Variants in RBFOX1 observed in about 807,000 individuals in gnomAD.
The protein encoded by RBFOX1 is RNA binding fox-1 homolog 1, also known as RNA binding protein fox-1 homolog 1.
In RBFOX1, 8 loss-of-function variants were observed where a neutral mutation model predicts 57.7. That is an observed-to-expected ratio of 0.14 (90% CI 0.08 to 0.25). RBFOX1 has a LOEUF of 0.25. Ranked by LOEUF, RBFOX1 falls within the 10% of genes least tolerant of loss-of-function variation. The pLI is 1.00. For missense variants in RBFOX1, 611 were observed against 548.5 expected, an observed-to-expected ratio of 1.11 and a Z score of -1.14; for synonymous variants, 326 against 222.4, an observed-to-expected ratio of 1.47 and a Z score of -4.15.
At chr16:7,049,847 T>C (rs767582859) in intron 3 of RBFOX1, among the ~76,000 whole-genome samples, 42 of 152,232 alleles carry the variant, frequency 2.8e-4, no homozygotes, top group Admixed American at 1.7e-3. Context: ...TTCATTTATT[T>C]TGTGTTAAAA....
chr16:6,298,388 A>G (rs35282939), intron 1 of RBFOX1, among the ~76,000 whole-genome samples: 35,052 of 152,204 alleles, frequency 0.23, 5,351 homozygotes, highest in East Asian at 0.63. Flanking sequence ...CTCCCCAAGT[A>G]TATCCCATTG....
At chr16:7,391,766 G>A (rs1169043301) in intron 4 of RBFOX1, among the ~76,000 whole-genome samples, 1 of 152,154 alleles carries the variant, frequency 6.6e-6, no homozygotes, top group East Asian at 1.9e-4. Flanking sequence ...TATACAGTAG[G>A]CTTTTAACAG....
At chr16:7,422,750 C>A (rs2098554580) in intron 4 of RBFOX1, 1 of 152,134 alleles carries the variant, frequency 6.6e-6, no homozygotes, top group East Asian at 1.9e-4. Context: ...ATGTGTAGCG[C>A]CGAGTTTCTC....
At chr16:5,969,333 AT>A (rs1225542256) in intron 4 of RBFOX1, among the ~76,000 whole-genome samples, 3 of 115,912 alleles carry the variant, frequency 2.6e-5, no homozygotes, top group Admixed American at 1.0e-4. Context: ...TGGTTTGGAA[AT>A]GGAGTCTCTC....
At chr16:6,268,275 C>T (rs1474152336) in intron 1 of RBFOX1, among the ~76,000 whole-genome samples, 1 of 152,192 alleles carries the variant, frequency 6.6e-6, no homozygotes, top group Non-Finnish European at 1.5e-5. Flanking sequence ...ACTCATTTCC[C>T]TGCTAGCAGG....
At chr16:7,693,889 C>G (rs1215544737) in intron 14 of RBFOX1, among the ~76,000 whole-genome samples, 2 of 152,152 alleles carry the variant, frequency 1.3e-5, no homozygotes, top group Non-Finnish European at 2.9e-5. Context: ...GCCAAAGATC[C>G]TCTATTTCCT....
chr16:5,721,468 G>C (rs979998472), intron 3 of RBFOX1, among the ~76,000 whole-genome samples: 3 of 151,904 alleles, frequency 2.0e-5, no homozygotes, highest in African/African-American at 7.3e-5. Context: ...TCTTGTTCTT[G>C]CCCAATTGCC....
intron 1 of RBFOX1, among the ~76,000 whole-genome samples, chr16:6,255,863 G>C (rs1321927316): frequency 6.6e-6 from 1 of 151,722 alleles, no homozygotes; most frequent in African/African-American, 2.4e-5. Flanking sequence ...GATACAGGGA[G>C]GAGAACGTCA....
intron 4 of RBFOX1, among the ~76,000 whole-genome samples, chr16:7,314,892 G>C (rs1363375324): frequency 6.6e-6 from 1 of 152,136 alleles, no homozygotes; most frequent in Non-Finnish European, 1.5e-5. Flanking sequence ...GCTTCGTTTT[G>C]AATGTTATCG....
At chr16:6,244,978 G>A (rs1469899807) in intron 1 of RBFOX1, among the ~76,000 whole-genome samples, 8 of 151,946 alleles carry the variant, frequency 5.3e-5, no homozygotes, top group Admixed American at 4.6e-4. Flanking sequence ...GGAGTCCTTA[G>A]TACCTCTGAC....
At chr16:6,010,170 G>A (rs1351168952) in intron 4 of RBFOX1, among the ~76,000 whole-genome samples, 1 of 152,074 alleles carries the variant, frequency 6.6e-6, no homozygotes, top group African/African-American at 2.4e-5. Flanking sequence ...ATGCATGCAG[G>A]CTGGACTTCC....
chr16:7,005,487 C>T (rs542503650), intron 3 of RBFOX1, among the ~76,000 whole-genome samples: 9 of 152,070 alleles, frequency 5.9e-5, no homozygotes, highest in Non-Finnish European at 1.3e-4. Flanking sequence ...GAGAAGGAAC[C>T]CAGTAATGGC....
intron 2 of RBFOX1, among the ~76,000 whole-genome samples, chr16:6,640,370 A>C (rs1472334065): frequency 6.6e-6 from 1 of 152,078 alleles, no homozygotes; most frequent in East Asian, 1.9e-4. Flanking sequence ...GAACTTGGGG[A>C]GGCCGAGGTG....
intron 3 of RBFOX1, among the ~76,000 whole-genome samples, chr16:6,843,124 T>C (rs1355861490): frequency 2.0e-5 from 3 of 152,202 alleles, no homozygotes; most frequent in Non-Finnish European, 2.9e-5. Context: ...CTTATTGTTG[T>C]TGTTTTCAAA....
At chr16:6,733,566 G>T (rs543301709) in intron 3 of RBFOX1, among the ~76,000 whole-genome samples, 2 of 152,120 alleles carry the variant, frequency 1.3e-5, no homozygotes, top group African/African-American at 4.8e-5. Flanking sequence ...ATAAATAATG[G>T]TTGTAGCCTG....
chr16:5,953,440 C>A (rs984617643), intron 4 of RBFOX1, among the ~76,000 whole-genome samples: 12 of 152,062 alleles, frequency 7.9e-5, no homozygotes, highest in Non-Finnish European at 1.6e-4. Flanking sequence ...ACATCTATCA[C>A]CTGAGCACTG....
chr16:6,458,114 A>G (rs764112815), intron 2 of RBFOX1, among the ~76,000 whole-genome samples: 3 of 152,206 alleles, frequency 2.0e-5, no homozygotes, highest in Admixed American at 6.5e-5. Flanking sequence ...GAAGAAGGGA[A>G]CAGAAAATTT....
At chr16:6,769,148 C>A (rs2077874128) in intron 3 of RBFOX1, among the ~76,000 whole-genome samples, 2 of 152,190 alleles carry the variant, frequency 1.3e-5, no homozygotes, top group African/African-American at 4.8e-5. Flanking sequence ...ATAATGGAGG[C>A]AGGTCATTCC....
At chr16:5,897,918 C>A (rs2058206838) in intron 4 of RBFOX1, among the ~76,000 whole-genome samples, 1 of 149,910 alleles carries the variant, frequency 6.7e-6, no homozygotes, top group African/African-American at 2.5e-5. Flanking sequence ...TTTTCATAGT[C>A]CCCTGGAAAA....
Sources: allele counts gnomAD v4.1 joint callset (sites outside exome capture counted in the v4.1 genomes callset), GRCh38; gene constraint gnomAD v4.1.1; transcripts MANE v1.5; gene names NCBI Gene and HGNC (gene_info 2026-07-23, HGNC 2026-07-21).